Variants in TACR1 observed in about 807,000 individuals in gnomAD.
The protein encoded by TACR1 is tachykinin receptor 1.
Under a neutral mutation model 35.8 loss-of-function variants are expected in TACR1, and 25 were observed. The ratio of observed to expected loss-of-function variants is 0.70; its 90% confidence interval spans 0.51 to 0.98. TACR1 has a LOEUF of 0.98. TACR1 is among the 50% of genes least tolerant of loss of function. The pLI is 0.00. For synonymous variants in TACR1, 195 were observed against 206.7 expected, an observed-to-expected ratio of 0.94 and a Z score of 0.48; for missense variants, 478 against 522.9, an observed-to-expected ratio of 0.91 and a Z score of 0.84.
At chr2:75,054,052 T>C (rs1052166476) in intron 2 of TACR1, among the ~76,000 whole-genome samples, 2 of 152,208 alleles carry the variant, frequency 1.3e-5, no homozygotes, top group Non-Finnish European at 2.9e-5. Flanking sequence ...GCACTGAATC[T>C]GTTGTATACC....
chr2:75,154,404 G>GCGCGCGCGCGCGCGCGCGCGCGCA (rs1364962469), intron 1 of TACR1: 2 of 84,422 alleles, frequency 2.4e-5, no homozygotes, highest in Non-Finnish European at 4.9e-5. Flanking sequence ...AGCCAAGAGC[G>GCGCGCGCGCGCGCGCGCGCGCGCA]CGCACGCACA....
At chr2:75,169,630 G>A (rs1675228589) in intron 1 of TACR1, among the ~76,000 whole-genome samples, 1 of 152,152 alleles carries the variant, frequency 6.6e-6, no homozygotes, top group East Asian at 1.9e-4. Flanking sequence ...TTACCATAAA[G>A]TGAAAGGAAT....
intron 2 of TACR1, among the ~76,000 whole-genome samples, chr2:75,064,048 C>T (rs890752790): frequency 2.0e-5 from 3 of 151,642 alleles, no homozygotes; most frequent in Non-Finnish European, 4.4e-5. Flanking sequence ...TGCCTTGGAC[C>T]TCATGGCCCC....
intron 1 of TACR1, among the ~76,000 whole-genome samples, chr2:75,122,724 A>T (rs1398106624): frequency 6.6e-6 from 1 of 152,154 alleles, no homozygotes; most frequent in Non-Finnish European, 1.5e-5. Flanking sequence ...AAAGCCTATC[A>T]CTCAAATGCT....
chr2:75,184,489 T>C (rs1675639119), intron 1 of TACR1, among the ~76,000 whole-genome samples: 1 of 151,914 alleles, frequency 6.6e-6, no homozygotes, highest in South Asian at 2.1e-4. Flanking sequence ...AAGCTGATGA[T>C]GATTTATAGA....
intron 2 of TACR1, among the ~76,000 whole-genome samples, chr2:75,112,259 G>A (rs1673766754): frequency 1.3e-5 from 2 of 151,726 alleles, no homozygotes; most frequent in South Asian, 4.2e-4. Flanking sequence ...ATCTCGAATG[G>A]CAAGTCATTT....
At chr2:75,120,981 T>C (rs911114829) in intron 1 of TACR1, among the ~76,000 whole-genome samples, 2 of 152,206 alleles carry the variant, frequency 1.3e-5, no homozygotes, top group African/African-American at 2.4e-5. Flanking sequence ...CAGCTAGATT[T>C]TTCAGTATTT....
At chr2:75,096,895 G>T (rs770192825) in intron 2 of TACR1, among the ~76,000 whole-genome samples, 2 of 152,126 alleles carry the variant, frequency 1.3e-5, no homozygotes, top group Non-Finnish European at 2.9e-5. Context: ...AACCCTCCAT[G>T]TGGGCTCACA....
At chr2:75,196,878 G>A (rs1219032245) in intron 1 of TACR1, among the ~76,000 whole-genome samples, 1 of 152,154 alleles carries the variant, frequency 6.6e-6, no homozygotes, top group Non-Finnish European at 1.5e-5. Context: ...AATTTAGGGG[G>A]CATCAAGAGA....
At chr2:75,198,499 G>C in intron 1 of TACR1, 47 bp downstream of exon 1, 2 of 1,592,170 alleles carry the variant, frequency 1.3e-6, no homozygotes, top group Non-Finnish European at 1.7e-6. Flanking sequence ...GCAATGCCGT[G>C]GTCCTCTATG....
At chr2:75,116,768 G>A (rs1348834732) in intron 2 of TACR1, among the ~76,000 whole-genome samples, 1 of 152,060 alleles carries the variant, frequency 6.6e-6, no homozygotes, top group African/African-American at 2.4e-5. Flanking sequence ...AAATTAGCTG[G>A]GCGTGGTGAT....
intron 2 of TACR1, among the ~76,000 whole-genome samples, chr2:75,062,889 TTGTATTAGTC>T (rs1449140922): frequency 5.4e-4 from 82 of 152,350 alleles, no homozygotes; most frequent in African/African-American, 1.9e-3. Flanking sequence ...AATTTTATAA[TTGTATTAGTC>T]TGTTTTCATG....
rs115927925 is a variant in TACR1, at chr2:75,060,485, G to T, written c.585-6730C>A. The stretch of plus-strand genomic sequence containing the variant: ...GGGAGGGGAGGGAGCAAGTGCAAAG[G>T]CATGGGGGAGGAGCCTGGCATGAGG... On this transcript the variant is annotated intron_variant, in intron 2 of 4. Coordinates refer to ENST00000305249, the MANE Select transcript of TACR1 (RefSeq NM_001058.4). Among the ~76,000 whole-genome samples the T allele has an allele frequency of 5.4e-3, 815 of 152,250 alleles. 11 individuals are homozygous for T. The highest frequency in any genetic ancestry group is 0.019 in the African/African-American group (788 of 41,536).
At chr2:75,066,027 A>C (rs1672756798) in intron 2 of TACR1, among the ~76,000 whole-genome samples, 1 of 152,212 alleles carries the variant, frequency 6.6e-6, no homozygotes, top group South Asian at 2.1e-4. Context: ...TAATACAGCC[A>C]CTACTAACAA....
chr2:75,049,696 G>C lies in TACR1; in HGVS notation c.960C>G (p.Phe320Leu). 1.2e-6 allele frequency: 2 copies of C among 1,613,868 alleles called. No homozygotes were observed. The highest frequency in any genetic ancestry group is 1.7e-6 in the Non-Finnish European group (2 of 1,179,830). ...CGGCGCTGATGAAGGGGCAGCACCG[G>C]AAGGCATGCTTGAAGCCCAGACGGA... is the stretch of plus-strand genomic sequence containing the variant. Reference protein sequence around the residue: ...DRFRLGFKHAFRCCPFISAGD... With the variant: ...DRFRLGFKHALRCCPFISAGD... Residue 320 changes from phenylalanine (F) to leucine (L), a missense_variant, in exon 5 of 5, where the codon TTC (phenylalanine) becomes TTG (leucine). Transcript: ENST00000305249.
chr2:75,115,123 T>TC (rs1206293766), intron 2 of TACR1, among the ~76,000 whole-genome samples: 1 of 147,792 alleles, frequency 6.8e-6, no homozygotes, highest in Non-Finnish European at 1.5e-5. Context: ...GTGTGTGTCT[T>TC]CACATCATGT....
intron 1 of TACR1, among the ~76,000 whole-genome samples, chr2:75,129,177 A>G (rs1003496778): frequency 3.9e-5 from 6 of 152,170 alleles, no homozygotes; most frequent in African/African-American, 1.4e-4. Context: ...GAACTTCATG[A>G]TTTTAGTGGA....
At chr2:75,094,418 G>A (rs1227511264) in intron 2 of TACR1, among the ~76,000 whole-genome samples, 3 of 152,184 alleles carry the variant, frequency 2.0e-5, no homozygotes, top group Admixed American at 2.0e-4. Context: ...GGTATTCACT[G>A]TAGTCCAGGG....
At chr2:75,138,453 C>T (rs1232214996) in intron 1 of TACR1, among the ~76,000 whole-genome samples, 1 of 152,180 alleles carries the variant, frequency 6.6e-6, no homozygotes, top group African/African-American at 2.4e-5. Context: ...GGTGGTTACT[C>T]AAGTATTATA....
Sources: gnomAD v4.1 joint callset for allele counts (sites outside exome capture counted in the v4.1 genomes callset) on GRCh38, gnomAD v4.1.1 for gene constraint, MANE v1.5 for transcripts, NCBI Gene and HGNC (gene_info 2026-07-23, HGNC 2026-07-21) for gene names.